The following AGBL5 variants were observed in gnomAD, a reference collection of about 807,000 sequenced individuals.
AGBL5 encodes the protein cytosolic carboxypeptidase-like protein 5.
Under a neutral mutation model 88.0 loss-of-function variants are expected in AGBL5, and 51 were observed. The ratio of observed to expected loss-of-function variants is 0.58; its 90% CI spans 0.46 to 0.73. The LOEUF (loss-of-function observed/expected upper bound fraction) is 0.73, where lower values mean the gene tolerates loss of function less well. AGBL5 is among the 30% of genes least tolerant of loss of function. The pLI is 0.00. For synonymous variants in AGBL5, 446 were observed against 438.8 expected, an observed-to-expected ratio of 1.02 and a Z score of -0.21; for missense variants, 1,031 against 1,162.2, an observed-to-expected ratio of 0.89 and a Z score of 1.64.
At chr2:27,057,852 G>A (rs1430073604) in intron 9 of AGBL5, among the ~76,000 whole-genome samples, 1 of 152,216 alleles carries the variant, frequency 6.6e-6, no homozygotes, top group Non-Finnish European at 1.5e-5. Context: ...AAGGCAGGCG[G>A]ATCACCTGAG....
chr2:27,068,915 C>T, intron 13 of AGBL5, 171 bp downstream of exon 13: 1 of 1,494,148 alleles, frequency 6.7e-7, no homozygotes, highest in Non-Finnish European at 8.9e-7. Context: ...CCCTTCCTGC[C>T]CTCCACCATC....
At chr2:27,058,090 AAGT>A (rs1668529815) in intron 9 of AGBL5, among the ~76,000 whole-genome samples, 1 of 152,074 alleles carries the variant, frequency 6.6e-6, no homozygotes. Flanking sequence ...AAAAAAAAAA[AAGT>A]AGATCTGTAG....
At chr2:27,050,826 G>A (rs928853876), upstream of AGBL5, among the ~76,000 whole-genome samples, 4 of 152,200 alleles carry the variant, frequency 2.6e-5, no homozygotes, top group East Asian at 1.9e-4. Flanking sequence ...TAGTGGATAG[G>A]GCGTGGCAAT....
At chr2:27,055,602 G>T in intron 6 of AGBL5, 80 bp from the exon 7 acceptor site, 1 of 1,299,182 alleles carries the variant, frequency 7.7e-7, no homozygotes, top group Non-Finnish European at 1.1e-6. Context: ...AGTCTCCTAC[G>T]GTCTCCTTTT....
chr2:27,054,124 G>A, intron 4 of AGBL5, 65 bp downstream of exon 4: 2 of 1,516,676 alleles, frequency 1.3e-6, no homozygotes, highest in Non-Finnish European at 1.8e-6. Context: ...ACTACTTCTG[G>A]AATTTGCTCT....
At position 27,053,051 on chromosome 2, in the gene AGBL5, T is replaced by C. The variant is rs762390189; in HGVS notation, c.93T>C (p.Asp31=). ...HVEKVESLSS[D]GEGVGGGASA... ...AGAAGGTGGAATCTTTGTCCAGTGA[T>C]GGGGAAGGGGTAGGAGGTGGGGCGT... Residue 31 remains aspartate (D), a synonymous_variant, in exon 2 of 15, where the codon GAT becomes GAC. Coordinates refer to ENST00000360131, the MANE Select transcript of AGBL5 (RefSeq NM_021831.6). The surrounding 1 kb of genome is among the most constrained non-coding windows in gnomAD (Gnocchi z 4.9). The C allele has an allele frequency of 1.2e-6, 2 of 1,613,872 alleles. No homozygotes were observed. Among genetic ancestry groups the C allele is most frequent in the Admixed American group, 3.3e-5 (2 of 59,970 alleles).
upstream of AGBL5, chr2:27,051,274 C>T (rs1417629658): frequency 1.3e-5 from 2 of 152,202 alleles, no homozygotes; most frequent in African/African-American, 2.4e-5. Context: ...GGGATCGATG[C>T]CCGCATCCTC....
intron 11 of AGBL5, among the ~76,000 whole-genome samples, chr2:27,065,681 C>A (rs187884774): frequency 3.3e-5 from 5 of 152,284 alleles, no homozygotes; most frequent in African/African-American, 1.2e-4. Context: ...CTACTAGCCA[C>A]ACAAACAAAG....
Position 27,067,657 on chromosome 2 carries a change from A to G in AGBL5, c.2242+11A>G, listed in dbSNP as rs11681145. ...CATTCAACATACCAGGTCTGTACCC[A>G]CTGCCACTGAAATCTGGGTTTGCCA... On this transcript the variant is annotated intron_variant, in intron 12 of 14. Coordinates refer to ENST00000360131, the MANE Select transcript of AGBL5 (RefSeq NM_021831.6). 1,103,923 of 1,612,522 alleles carry G rather than the reference A, an allele frequency of 0.68. 384,198 individuals carry two copies. Among genetic ancestry groups the G allele is most frequent in the East Asian group, 0.94 (42,217 of 44,848 alleles).
intron 12 of AGBL5, chr2:27,067,912 C>G (rs1237183048): frequency 5.5e-5 from 28 of 509,870 alleles, no homozygotes; most frequent in Non-Finnish European, 9.8e-5. Flanking sequence ...AACCTGAAGA[C>G]TTTTGTCTAC....
rs992961915 is a variant in AGBL5 at position 27,066,428 on chromosome 2, G to GA, written c.2090-1059dup. 9.9e-5 allele frequency among the ~76,000 whole-genome samples: 15 copies of GA among 152,050 alleles called. No individual in the cohort carries two copies. The East Asian group carries it at 1.2e-3, about 12-fold the overall frequency. On this transcript the variant is annotated intron_variant, in intron 11 of 14. Transcript: ENST00000360131. ...TGTTTTGTCAAGGGGACTTTCTTGG[G>GA]AAAAAAATCTCCAGTGGACAATTAG...
At position 27,059,307 on chromosome 2, in the gene AGBL5, C is replaced by T. The variant is rs762249505; in HGVS notation, c.1992C>T (p.Ser664=). ...SQQNSPQMKN[S]PSFPFHGSRP... Reference sequence around the variant, plus strand: ...AAAATTCTCCACAGATGAAGAATTCCCCCAGCTTTCCTTTTCATGGCAGTC... The same window carrying T: ...AAAATTCTCCACAGATGAAGAATTCTCCCAGCTTTCCTTTTCATGGCAGTC... Residue 664 remains serine, a synonymous_variant, in exon 11 of 15, where the codon TCC becomes TCT. Coordinates refer to ENST00000360131, the MANE Select transcript of AGBL5 (RefSeq NM_021831.6). The T allele has an allele frequency of 4.3e-6, 7 of 1,614,074 alleles. No individual in the cohort carries two copies. In the Admixed American group the frequency reaches 1.0e-4, roughly 23 times the overall value.
chr2:27,054,998 C>G, intron 5 of AGBL5, 77 bp from the exon 6 acceptor site: 4 of 1,530,752 alleles, frequency 2.6e-6, no homozygotes. Flanking sequence ...CCTGCCTCAT[C>G]CATGACACCC....
chr2:27,054,593 AG>A, intron 4 of AGBL5, 36 bp from the exon 5 acceptor site: 1 of 1,591,160 alleles, frequency 6.3e-7, no homozygotes, highest in Non-Finnish European at 8.6e-7. Context: ...CTAGGACTTT[AG>A]GGACTTCTCC....
chr2:27,070,522 AG>A lies in AGBL5; in HGVS notation c.*260del, dbSNP rs1257898305. On this transcript the variant is annotated 3_prime_UTR_variant, in exon 15 of 15. Coordinates refer to ENST00000360131, the MANE Select transcript of AGBL5 (RefSeq NM_021831.6). Reference sequence around the variant, plus strand: ...TATTTTTATATTGGGGGGAGGGAGTAGAAAAGCAAGCCCCTATACTGGGCCC... The same window carrying A: ...TATTTTTATATTGGGGGGAGGGAGTAAAAAGCAAGCCCCTATACTGGGCCC... The A allele has an allele frequency of 4.3e-6, 2 of 466,214 alleles. No individual in the cohort carries two copies. The highest frequency in any genetic ancestry group is 7.7e-6 in the Non-Finnish European group (2 of 258,282). The allele number at this position is 466,214 out of a possible 1,614,324, so 28.9% of individuals were successfully genotyped here.
Position 27,070,188 on chromosome 2 carries a change from C to T in AGBL5, c.2586C>T (p.Ser862=), listed in dbSNP as rs1205963948. ...LSDSPSWNCY[S]RGPLGQPEVC... The stretch of plus-strand genomic sequence containing the variant: ...ACTCCCCATCCTGGAATTGTTACAG[C>T]AGGGGTCCCTTGGGCCAACCTGAGG... The change falls in exon 15 of 15, where the codon AGC becomes AGT. Residue 862 remains serine (S), a synonymous_variant. Coordinates refer to ENST00000360131, the MANE Select transcript of AGBL5 (RefSeq NM_021831.6). 1 of 1,614,244 alleles carries T rather than the reference C, an allele frequency of 6.2e-7. No homozygotes were observed. Among genetic ancestry groups the T allele is most frequent in the Admixed American group, 1.7e-5 (1 of 60,016 alleles).
At chr2:27,062,781 G>A (rs1668778351) in intron 11 of AGBL5, 1 of 152,292 alleles carries the variant, frequency 6.6e-6, no homozygotes. Context: ...TTCCCAAAGT[G>A]AGAAATGACA....
rs528579581 is a variant in AGBL5 at position 27,070,388 on chromosome 2, G to A, written c.*125G>A. The A allele has an allele frequency of 2.7e-4, 264 of 960,450 alleles. No individual in the cohort carries two copies. Among genetic ancestry groups the A allele is most frequent in the Non-Finnish European group, 3.7e-4 (234 of 626,160 alleles). 59.5% of individuals were successfully genotyped at this position (960,450 alleles called of 1,614,324 possible). On this transcript the variant is annotated 3_prime_UTR_variant, in exon 15 of 15. Coordinates refer to ENST00000360131, the MANE Select transcript of AGBL5 (RefSeq NM_021831.6). ...GTTAAGTCCTTGGAATGCCAGCCAC[G>A]CTGTCCAAGGCATTACAGAGTATCA...
At position 27,053,826 on chromosome 2, in the gene AGBL5, G is replaced by A; in HGVS notation, c.388-70G>A. 4.5e-6 allele frequency: 7 copies of A among 1,541,000 alleles called. No homozygotes were observed. The South Asian group carries it at 7.5e-5, about 17-fold the overall frequency. On this transcript the variant is annotated intron_variant, in intron 3 of 14. Coordinates refer to ENST00000360131, the MANE Select transcript of AGBL5 (RefSeq NM_021831.6). The surrounding 1 kb of genome is among the most constrained non-coding windows in gnomAD (Gnocchi z 4.9). ...TGATAAGGGTGTGAGGTCAGTTCCT[G>A]GTGGTCCCAGTAGGAGCTCAGTTCT...
Sources: gnomAD v4.1 joint callset for allele counts (sites outside exome capture counted in the v4.1 genomes callset) on GRCh38, gnomAD v4.1.1 for gene constraint, Gnocchi (gnomAD v3.1) non-coding constraint, MANE v1.5 for transcripts, NCBI Gene and HGNC (gene_info 2026-07-23, HGNC 2026-07-21) for gene names.